The following PIK3AP1 variants were observed in gnomAD, a reference collection of about 807,000 sequenced individuals.
PIK3AP1 encodes the protein phosphoinositide-3-kinase adaptor protein 1.
In PIK3AP1, 21 loss-of-function variants were observed where a neutral mutation model predicts 88.1. That is an observed-to-expected ratio of 0.24 (90% CI 0.17 to 0.34). The LOEUF (loss-of-function observed/expected upper bound fraction) is 0.34, where lower values mean the gene tolerates loss of function less well. Ranked by LOEUF, PIK3AP1 falls within the 10% of genes least tolerant of loss-of-function variation. PIK3AP1 has a pLI of 1.00. For missense variants in PIK3AP1, 828 were observed against 1,035.7 expected, an observed-to-expected ratio of 0.80 and a Z score of 2.75; for synonymous variants, 398 against 400.0, an observed-to-expected ratio of 1.00 and a Z score of 0.06.
At chr10:96,693,055 C>T (rs1221970038) in intron 2 of PIK3AP1, among the ~76,000 whole-genome samples, 4 of 152,192 alleles carry the variant, frequency 2.6e-5, no homozygotes, top group Non-Finnish European at 5.9e-5. Context: ...AGAAAAGGCC[C>T]TGCCCCTCTG....
chr10:96,698,489 AAAACTAAACT>A (rs763334280), intron 2 of PIK3AP1, among the ~76,000 whole-genome samples: 1 of 152,072 alleles, frequency 6.6e-6, no homozygotes, highest in African/African-American at 2.4e-5. Context: ...CATCTCTACT[AAAACTAAACT>A]AAACTAAACT....
At chr10:96,651,848 C>T (rs1221388380) in intron 4 of PIK3AP1, among the ~76,000 whole-genome samples, 197 bp from the exon 5 acceptor site, 1 of 151,988 alleles carries the variant, frequency 6.6e-6, no homozygotes, top group Non-Finnish European at 1.5e-5. Flanking sequence ...CATGGCAGGG[C>T]TCTGGGCCAC....
chr10:96,701,376 A>C (rs1208969407), intron 2 of PIK3AP1, among the ~76,000 whole-genome samples: 1 of 152,192 alleles, frequency 6.6e-6, no homozygotes, highest in Non-Finnish European at 1.5e-5. Context: ...CTGTGTTCCA[A>C]AGTGAGTTCC....
At position 96,701,589 on chromosome 10, in the gene PIK3AP1, T is replaced by C. The variant is rs1436185; in HGVS notation, c.430+7978A>G. On this transcript the variant is annotated intron_variant, in intron 2 of 16. Transcript: ENST00000339364. ...AGGGGAGGAGGGTACACATTCTCCA[T>C]ACGACTATCCTTGCAAGAGAAACTG... is the stretch of plus-strand genomic sequence containing the variant. Among the ~76,000 whole-genome samples, 10 of 152,326 alleles carry C rather than the reference T, an allele frequency of 6.6e-5. No homozygotes were observed. The South Asian group carries it at 2.1e-3, about 32-fold the overall frequency.
At chr10:96,705,884 G>GTTTTTTTT (rs964917515) in intron 2 of PIK3AP1, among the ~76,000 whole-genome samples, 1 of 60,968 alleles carries the variant, frequency 1.6e-5, no homozygotes, top group African/African-American at 7.9e-5. Context: ...CCAGCCAGTT[G>GTTTTTTTT]TTTTTTTTTT....
intron 13 of PIK3AP1, among the ~76,000 whole-genome samples, chr10:96,613,013 T>G (rs1202361842): frequency 1.4e-5 from 1 of 73,180 alleles, no homozygotes; most frequent in African/African-American, 4.7e-5. Context: ...TTTTTTTTTT[T>G]TTTGAGACAG....
At chr10:96,598,424 A>G (rs552677992) in intron 16 of PIK3AP1, among the ~76,000 whole-genome samples, 1 of 152,202 alleles carries the variant, frequency 6.6e-6, no homozygotes, top group East Asian at 1.9e-4. Context: ...CTTGATGGCT[A>G]CTTTTTTTAA....
chr10:96,656,853 G>C lies in PIK3AP1; in HGVS notation c.512C>G (p.Thr171Arg). 23 of 1,614,118 alleles carry C rather than the reference G, an allele frequency of 1.4e-5. No individual in the cohort carries two copies. The highest frequency in any genetic ancestry group is 1.9e-5 in the Non-Finnish European group (23 of 1,180,030). Reference sequence around the variant, plus strand: ...CATCAGGTTCCCAGGTGAAGTCACCGTCGGCAGGTTCTGCTGCTTCGAGTA... The same window carrying C: ...CATCAGGTTCCCAGGTGAAGTCACCCTCGGCAGGTTCTGCTGCTTCGAGTA... ...VSYSKQQNLP[T>R]VTSPGNLMVV... Residue 171 changes from threonine (T) to arginine (R), a missense_variant, in exon 3 of 17, where the codon ACG becomes AGG. By Grantham distance (71) the Thr-to-Arg change is moderately conservative. Transcript: ENST00000339364.
At chr10:96,717,496 G>C (rs34457865) in intron 1 of PIK3AP1, among the ~76,000 whole-genome samples, 1 of 152,242 alleles carries the variant, frequency 6.6e-6, no homozygotes. Context: ...TCCCACCCCA[G>C]AAGTTGTTCA....
At chr10:96,656,978 G>C in intron 2 of PIK3AP1, 44 bp from the exon 3 acceptor site, 1 of 1,594,954 alleles carries the variant, frequency 6.3e-7, no homozygotes, top group Non-Finnish European at 8.6e-7. Flanking sequence ...GCAGGAAGGA[G>C]AACTGTGGAC....
At chr10:96,693,798 C>T (rs1405474502) in intron 2 of PIK3AP1, among the ~76,000 whole-genome samples, 4 of 152,286 alleles carry the variant, frequency 2.6e-5, no homozygotes, top group East Asian at 1.9e-4. Context: ...CTGCAAACTG[C>T]GGGAACATAT....
intron 8 of PIK3AP1, among the ~76,000 whole-genome samples, chr10:96,628,885 T>TATAG (rs1843193184): frequency 2.7e-5 from 1 of 36,786 alleles, no homozygotes; most frequent in African/African-American, 1.2e-4. Flanking sequence ...CATATATATA[T>TATAG]ATACATATAT....
chr10:96,673,929 C>T (rs771383809), intron 2 of PIK3AP1, among the ~76,000 whole-genome samples: 1 of 152,178 alleles, frequency 6.6e-6, no homozygotes, highest in Admixed American at 6.6e-5. Context: ...CTTCGCATTC[C>T]GACCAGCTGA....
chr10:96,709,168 T>C (rs1465061493), intron 2 of PIK3AP1, among the ~76,000 whole-genome samples: 2 of 139,064 alleles, frequency 1.4e-5, no homozygotes, highest in Non-Finnish European at 3.1e-5. Context: ...TTAACAAAAA[T>C]GTGAAGTTCG....
intron 2 of PIK3AP1, among the ~76,000 whole-genome samples, chr10:96,696,011 G>C (rs1051159208): frequency 1.3e-5 from 2 of 152,174 alleles, no homozygotes; most frequent in African/African-American, 4.8e-5. Context: ...CCATGGAAAT[G>C]GTTGACAATC....
intron 13 of PIK3AP1, among the ~76,000 whole-genome samples, chr10:96,610,403 C>T (rs891053119): frequency 6.6e-6 from 1 of 152,158 alleles, no homozygotes; most frequent in African/African-American, 2.4e-5. Flanking sequence ...AACTAAGGTA[C>T]AAAGAAGTGA....
intron 2 of PIK3AP1, among the ~76,000 whole-genome samples, chr10:96,686,112 AT>A (rs1430621236): frequency 3.9e-5 from 6 of 152,106 alleles, no homozygotes; most frequent in African/African-American, 1.2e-4. Flanking sequence ...TTCCAAAAGC[AT>A]TTTTTTCCTT....
intron 2 of PIK3AP1, among the ~76,000 whole-genome samples, chr10:96,664,688 TA>T (rs2134247380): frequency 6.6e-6 from 1 of 152,268 alleles, no homozygotes; most frequent in Non-Finnish European, 1.5e-5. Flanking sequence ...CCATACAAAA[TA>T]AACAATTCCT....
At chr10:96,622,379 G>A (rs189496984) in intron 11 of PIK3AP1, among the ~76,000 whole-genome samples, 35 of 152,276 alleles carry the variant, frequency 2.3e-4, no homozygotes, top group African/African-American at 6.7e-4. Flanking sequence ...GCAACTTGAC[G>A]TTTCACTCAA....
Sources: allele counts gnomAD v4.1 joint callset (sites outside exome capture counted in the v4.1 genomes callset), GRCh38; gene constraint gnomAD v4.1.1; transcripts MANE v1.5; gene names NCBI Gene and HGNC (gene_info 2026-07-23, HGNC 2026-07-21).